ZWILCH: variants seen among roughly 807,000 people sequenced by gnomAD.
The protein encoded by ZWILCH is zwilch kinetochore protein.
A neutral mutation model predicts 79.9 loss-of-function variants in ZWILCH; 74 were observed. The observed-to-expected ratio is 0.93, with a 90% CI of 0.77 to 1.12. The LOEUF is 1.12. Ranked by LOEUF, ZWILCH falls within the 50% of genes most tolerant of loss-of-function variation. ZWILCH has a pLI of 0.00. For synonymous variants in ZWILCH, 241 were observed against 228.2 expected, an observed-to-expected ratio of 1.06 and a Z score of -0.51; for missense variants, 694 against 687.5, an observed-to-expected ratio of 1.01 and a Z score of -0.11.
rs1329395580 is a variant in ZWILCH, at chr15:66,550,100, T to G, written c.*1776T>G. ...TTCCAAAGCTTTGAGGTACCAACTT[T>G]CCACCTAATAAAAACCCACTTGATA... On this transcript the variant is annotated 3_prime_UTR_variant, in exon 19 of 19. Transcript: ENST00000307897. 1 of 1,597,112 alleles carries G rather than the reference T, an allele frequency of 6.3e-7. No individual in the cohort carries two copies. The highest frequency in any genetic ancestry group is 2.3e-5 in the East Asian group (1 of 44,296).
At chr15:66,505,658 G>A in intron 1 of ZWILCH, 1 of 499,972 alleles carries the variant, frequency 2.0e-6, no homozygotes, top group African/African-American at 2.0e-5. Context: ...TCTTTCTGCT[G>A]ATGGACACAC....
At chr15:66,526,016 G>T (rs1420245565) in intron 8 of ZWILCH, among the ~76,000 whole-genome samples, 1 of 151,768 alleles carries the variant, frequency 6.6e-6, no homozygotes, top group African/African-American at 2.4e-5. Context: ...CACCTGTCTC[G>T]GCCACCCAAA....
rs1175837131 is a variant in ZWILCH at position 66,546,637 on chromosome 15, CTT to C, written c.1736_1737del (p.Phe579TyrfsTer2). The C allele has an allele frequency of 2.5e-6, 4 of 1,609,148 alleles. No homozygotes were observed. The highest frequency in any genetic ancestry group is 3.4e-6 in the Non-Finnish European group (4 of 1,177,886). On this transcript the variant is annotated frameshift_variant, in exon 18 of 19. Transcript: ENST00000307897. LOFTEE classifies it high-confidence loss of function. ...LNGSLEERIF[F>X]TNMVTCSQVH... ...ACGGTAGCCTGGAAGAAAGGATATT[CTT>C]TACTAACATGGTTACCTGCAGCCAG... is the stretch of plus-strand genomic sequence containing the variant.
intron 3 of ZWILCH, 112 bp from the exon 4 acceptor site, chr15:66,515,414 T>C: frequency 5.6e-6 from 4 of 710,538 alleles, no homozygotes; most frequent in Non-Finnish European, 9.3e-6. Context: ...CTTAAGGGTA[T>C]AAAAATAAGT....
rs1894400905 is a variant in ZWILCH, at chr15:66,519,159, A to G, written c.520+81A>G. On this transcript the variant is annotated intron_variant, in intron 5 of 18. Coordinates refer to ENST00000307897, the MANE Select transcript of ZWILCH (RefSeq NM_017975.5). ...GTTTCATGTTTTTTTACGAAAATTGATATTGTTATGATGAAAGTGCACAAG... is the reference window on the plus strand; with the variant it reads ...GTTTCATGTTTTTTTACGAAAATTGGTATTGTTATGATGAAAGTGCACAAG... 25 of 1,400,460 alleles carry G rather than the reference A, an allele frequency of 1.8e-5. No homozygotes were observed. In the South Asian group the frequency reaches 2.9e-4, roughly 16 times the overall value. 86.8% of individuals were successfully genotyped at this position (1,400,460 alleles called of 1,614,324 possible).
rs758945805 is a variant in ZWILCH at position 66,519,759 on chromosome 15, C to T, written c.520+681C>T. 3.3e-5 allele frequency among the ~76,000 whole-genome samples: 5 copies of T among 152,298 alleles called. No individual in the cohort carries two copies. The South Asian group carries it at 1.0e-3, about 32-fold the overall frequency. On this transcript the variant is annotated intron_variant, in intron 5 of 18. Transcript: ENST00000307897. ...TCGGCCTCCCGAAGTGCTGGGATTACAGGCATGAGCCACCGTGCCCAACTT... is the reference window on the plus strand; with the variant it reads ...TCGGCCTCCCGAAGTGCTGGGATTATAGGCATGAGCCACCGTGCCCAACTT...
intron 2 of ZWILCH, among the ~76,000 whole-genome samples, chr15:66,513,093 C>G (rs1894128325): frequency 6.7e-6 from 1 of 148,728 alleles, no homozygotes; most frequent in African/African-American, 2.6e-5. Context: ...CTGTGCCCAG[C>G]CTAATTTTTG....
Position 66,512,527 on chromosome 15 carries a change from C to T in ZWILCH, c.106-1461C>T, listed in dbSNP as rs193158574. Among the ~76,000 whole-genome samples, 5 of 152,100 alleles carry T rather than the reference C, an allele frequency of 3.3e-5. 1 individual carries two copies. The highest frequency in any genetic ancestry group is 3.3e-4 in the Admixed American group (5 of 15,272). On this transcript the variant is annotated intron_variant, in intron 2 of 18. Coordinates refer to ENST00000307897, the MANE Select transcript of ZWILCH (RefSeq NM_017975.5). Reference sequence around the variant, plus strand: ...TCAGCCTCCCGATTAGCCGGGATTACAGGTGCCAATGTGTCCAGCATATAT... The same window carrying T: ...TCAGCCTCCCGATTAGCCGGGATTATAGGTGCCAATGTGTCCAGCATATAT...
intron 7 of ZWILCH, 33 bp downstream of exon 7, chr15:66,521,238 A>G (rs1232884955): frequency 2.5e-6 from 4 of 1,600,834 alleles, no homozygotes; most frequent in Non-Finnish European, 3.4e-6. Context: ...TTTCGGGTTC[A>G]TGAGACTCCT....
At chr15:66,509,822 CATATATATATATATAT>C (rs201725734) in intron 2 of ZWILCH, among the ~76,000 whole-genome samples, 1,653 of 88,926 alleles carry the variant, frequency 0.019, 40 homozygotes, top group East Asian at 0.062. Context: ...TGTGTGGCTA[CATATATATATATATAT>C]ATATATATAT....
Position 66,518,860 on chromosome 15 carries a change from CCTTA to C in ZWILCH, c.321-16_321-13del. 6.2e-7 allele frequency: 1 copy of C among 1,605,310 alleles called. No individual in the cohort carries two copies. Among genetic ancestry groups the C allele is most frequent in the Non-Finnish European group, 8.5e-7 (1 of 1,172,232 alleles). On this transcript the variant is annotated splice_polypyrimidine_tract_variant and intron_variant, in intron 4 of 18. Transcript: ENST00000307897. ...TTGGAAATCTCTATCTATAATTTGT[CCTTA>C]CTCTTGTTTTAAAGGCAGTTAATTG... is the stretch of plus-strand genomic sequence containing the variant.
At position 66,513,794 on chromosome 15, in the gene ZWILCH, A is replaced by G. The variant is rs545772705; in HGVS notation, c.106-194A>G. Reference sequence around the variant, plus strand: ...CACCGTGTTAGCCAGGATGGTCTCAATCTCCTGACCTCGTGATCCACCTGC... The same window carrying G: ...CACCGTGTTAGCCAGGATGGTCTCAGTCTCCTGACCTCGTGATCCACCTGC... On this transcript the variant is annotated intron_variant, in intron 2 of 18. Coordinates refer to ENST00000307897, the MANE Select transcript of ZWILCH (RefSeq NM_017975.5). The G allele has an allele frequency of 6.4e-4, 203 of 314,788 alleles. 1 individual carries two copies. In the South Asian group the frequency reaches 7.3e-3, roughly 11 times the overall value. The allele number at this position is 314,788 out of a possible 1,614,324, so 19.5% of individuals were successfully genotyped here.
At chr15:66,544,768 G>T (rs1895316132) in intron 17 of ZWILCH, among the ~76,000 whole-genome samples, 1 of 146,454 alleles carries the variant, frequency 6.8e-6, no homozygotes, top group Admixed American at 6.8e-5. Flanking sequence ...GTTTGAGATG[G>T]AGCCTTGCTC....
chr15:66,514,199 CT>C, intron 3 of ZWILCH, 116 bp downstream of exon 3: 3 of 636,844 alleles, frequency 4.7e-6, no homozygotes, highest in South Asian at 2.0e-5. Flanking sequence ...AGTTCTCATT[CT>C]TTTAGGAGTA....
intron 1 of ZWILCH, among the ~76,000 whole-genome samples, chr15:66,506,941 C>A (rs986974861): frequency 2.0e-5 from 3 of 151,510 alleles, no homozygotes; most frequent in Non-Finnish European, 4.4e-5. Flanking sequence ...ACTGCAACCT[C>A]TGCCTCCCGG....
At chr15:66,523,645 T>C in intron 7 of ZWILCH, 32 bp from the exon 8 acceptor site, 1 of 1,505,390 alleles carries the variant, frequency 6.6e-7, no homozygotes, top group South Asian at 1.1e-5. Flanking sequence ...GGATTAGCAC[T>C]AGAAAACTGA....
At position 66,519,027 on chromosome 15, in the gene ZWILCH, A is replaced by G; in HGVS notation, c.469A>G (p.Thr157Ala). ...GTCWLGAELITTNNSITGIVL... is the reference protein window; with the variant it reads ...GTCWLGAELIATNNSITGIVL... ...TTGTTGGCTAGGAGCTGAGCTTATC[A>G]CAACAAACAACAGCATTACAGGAAT... Residue 157 changes from threonine to alanine, a missense_variant, in exon 5 of 19, where the codon ACA becomes GCA. Transcript: ENST00000307897. 1.2e-6 allele frequency: 2 copies of G among 1,614,224 alleles called. No homozygotes were observed. Among genetic ancestry groups the G allele is most frequent in the Non-Finnish European group, 8.5e-7 (1 of 1,180,030 alleles).
intron 17 of ZWILCH, among the ~76,000 whole-genome samples, chr15:66,546,129 A>G (rs764279649): frequency 5.9e-5 from 9 of 152,346 alleles, no homozygotes; most frequent in South Asian, 2.1e-4. Flanking sequence ...TTGACCCACA[A>G]GGAAGTGGAC....
rs748536802 is a variant in ZWILCH at position 66,529,624 on chromosome 15, G to A, written c.1155+51G>A. 3.8e-5 allele frequency: 53 copies of A among 1,411,306 alleles called. No individual in the cohort carries two copies. In the Middle Eastern group the frequency reaches 1.8e-3, roughly 47 times the overall value. 87.4% of individuals were successfully genotyped at this position (1,411,306 alleles called of 1,614,324 possible). A position where few individuals can be genotyped will look rare whatever the true frequency, so the allele number is the denominator to read the frequency against. On this transcript the variant is annotated intron_variant, in intron 12 of 18. Transcript: ENST00000307897. ...CATTTTCTCAGCAGCATAGCATGAT[G>A]TAAAGACACAGGCTCTGAAGCCAAC...
Sources: gnomAD v4.1 joint callset for allele counts (sites outside exome capture counted in the v4.1 genomes callset) on GRCh38, gnomAD v4.1.1 for gene constraint, MANE v1.5 for transcripts, NCBI Gene and HGNC (gene_info 2026-07-23, HGNC 2026-07-21) for gene names.